Variants in STOM observed in about 807,000 individuals in gnomAD.
The protein encoded by STOM is erythrocyte band 7 integral membrane protein.
Under a neutral mutation model 30.6 loss-of-function variants are expected in STOM, and 25 were observed. The observed-to-expected ratio is 0.82, with a 90% CI of 0.60 to 1.14. The LOEUF (loss-of-function observed/expected upper bound fraction) is 1.14. Among genes scored for constraint, STOM ranks in the 50% most tolerant of loss-of-function variants. The pLI, the probability that STOM is intolerant of heterozygous loss-of-function variation, is 0.00. For missense variants in STOM, 292 were observed against 365.2 expected (o/e 0.80, Z 1.63); for synonymous variants, 118 against 130.8 (o/e 0.90, Z 0.67).
In STOM at chr9:121,356,044, G is replaced by C; in HGVS notation, c.165+9C>G. ...ACCCCTTCCCAGAAGTGAATGAAAT[G>C]TTCTTTACCTTTATGCACATCCATA... On this transcript the variant is annotated intron_variant, in intron 2 of 6. Transcript: ENST00000286713. The C allele has an allele frequency of 6.2e-7, 1 of 1,611,950 alleles. No homozygotes were observed. Among genetic ancestry groups the C allele is most frequent in the Non-Finnish European group, 8.5e-7 (1 of 1,178,280 alleles).
chr9:121,369,056 C>A (rs2064534883), intron 1 of STOM, among the ~76,000 whole-genome samples: 1 of 152,034 alleles, frequency 6.6e-6, no homozygotes, highest in Non-Finnish European at 1.5e-5. Flanking sequence ...TAACCTGCAA[C>A]GTTATTAGTA....
At chr9:121,341,506 A>G in intron 6 of STOM, 98 bp from the exon 7 acceptor site, 1 of 1,513,540 alleles carries the variant, frequency 6.6e-7, no homozygotes, top group Non-Finnish European at 9.0e-7. Flanking sequence ...GTGGTCCACA[A>G]AACTTTCTAG....
chr9:121,356,949 C>T (rs1403311682), intron 1 of STOM, among the ~76,000 whole-genome samples: 1 of 151,984 alleles, frequency 6.6e-6, no homozygotes, highest in Non-Finnish European at 1.5e-5. Flanking sequence ...TACCACTGCA[C>T]TCCAGCCTGG....
chr9:121,354,450 T>C, intron 3 of STOM, 151 bp downstream of exon 3: 1 of 563,076 alleles, frequency 1.8e-6, no homozygotes, highest in Non-Finnish European at 3.1e-6. Context: ...AGGTCAGGAG[T>C]TCAAGGCTGC....
intron 1 of STOM, chr9:121,366,098 T>C (rs538848972): frequency 1.2e-4 from 118 of 984,560 alleles, no homozygotes; most frequent in South Asian, 1.9e-4. Flanking sequence ...CTCATTTCAC[T>C]ATATTCTACT....
Position 121,341,293 on chromosome 9 carries a change from A to G in STOM, c.776T>C (p.Ile259Thr), listed in dbSNP as rs747752004. Residue 259 changes from isoleucine to threonine, a missense_variant, in exon 7 of 7, where the codon ATT becomes ACT. Physicochemically the swap from Ile to Thr is moderately conservative, Grantham distance 89. Transcript: ENST00000286713. Reference protein sequence around the residue: ...QLRYLQTLTTIAAEKNSTIVF... With the variant: ...QLRYLQTLTTTAAEKNSTIVF... ...AATTGTTGAGTTTTTCTCAGCAGCAATGGTGGTCAGTGTCTGCAGGTATCG... is the reference window on the plus strand; with the variant it reads ...AATTGTTGAGTTTTTCTCAGCAGCAGTGGTGGTCAGTGTCTGCAGGTATCG... The G allele has an allele frequency of 4.3e-6, 7 of 1,614,030 alleles. No homozygotes were observed. Among genetic ancestry groups the G allele is most frequent in the African/African-American group, 1.3e-5 (1 of 74,912 alleles).
Position 121,340,125 on chromosome 9 carries a change from A to G in STOM, c.*1077T>C, listed in dbSNP as rs2064233109. 1 of 983,764 alleles carries G rather than the reference A, an allele frequency of 1.0e-6. No individual in the cohort carries two copies. Among genetic ancestry groups the G allele is most frequent in the Admixed American group, 6.1e-5 (1 of 16,264 alleles). The allele number at this position is 983,764 out of a possible 1,614,324, so 60.9% of individuals were successfully genotyped here. A position where few individuals can be genotyped will look rare whatever the true frequency, so the allele number is the denominator to read the frequency against. ...AAATTAAAACTATTTAAAACCTGAT[A>G]TATGAAAATAGGCAACAGTGAGAAA... On this transcript the variant is annotated 3_prime_UTR_variant, in exon 7 of 7. Coordinates refer to ENST00000286713, the MANE Select transcript of STOM (RefSeq NM_004099.6).
chr9:121,366,355 G>T (rs890550537), intron 1 of STOM: 1 of 681,064 alleles, frequency 1.5e-6, no homozygotes, highest in African/African-American at 2.0e-5. Context: ...ATCAACAAGT[G>T]TGTGTCAATA....
intron 2 of STOM, 110 bp downstream of exon 2, chr9:121,355,943 A>AAG (rs771631948): frequency 3.2e-5 from 21 of 661,204 alleles, no homozygotes; most frequent in Non-Finnish European, 4.1e-5. Flanking sequence ...TAAGAATTAT[A>AAG]AGAGAGAGAG....
intron 1 of STOM, among the ~76,000 whole-genome samples, chr9:121,368,087 C>G (rs928464388): frequency 2.0e-5 from 3 of 151,288 alleles, no homozygotes; most frequent in African/African-American, 7.3e-5. Context: ...TCAATAACCT[C>G]TATTTAATAA....
At position 121,340,785 on chromosome 9, in the gene STOM, G is replaced by A. The variant is rs1261545383; in HGVS notation, c.*417C>T. 9 of 1,008,192 alleles carry A rather than the reference G, an allele frequency of 8.9e-6. No individual in the cohort carries two copies. The highest frequency in any genetic ancestry group is 3.6e-6 in the Non-Finnish European group (3 of 842,650). 62.5% of individuals were successfully genotyped at this position (1,008,192 alleles called of 1,614,324 possible). A position where few individuals can be genotyped will look rare whatever the true frequency, so the allele number is the denominator to read the frequency against. On this transcript the variant is annotated 3_prime_UTR_variant, in exon 7 of 7. Transcript: ENST00000286713. ...AAAAAAAAGACTCTCTGGAGGTAAG[G>A]CACATATGACCTGGAGAAGCTGGTT...
chr9:121,358,398 T>C (rs2064418070), intron 1 of STOM, among the ~76,000 whole-genome samples: 1 of 151,830 alleles, frequency 6.6e-6, no homozygotes, highest in South Asian at 2.1e-4. Flanking sequence ...TGGGGGTTCG[T>C]GGCTGCAGTG....
intron 4 of STOM, among the ~76,000 whole-genome samples, chr9:121,351,532 T>A (rs1371738921): frequency 1.3e-5 from 2 of 152,258 alleles, no homozygotes; most frequent in Non-Finnish European, 2.9e-5. Flanking sequence ...AGCATTCTTC[T>A]GTCCTTCCCC....
At position 121,339,604 on chromosome 9, in the gene STOM, G is replaced by T; in HGVS notation, c.*1598C>A. The T allele has an allele frequency of 8.1e-7, 1 of 1,231,596 alleles. No homozygotes were observed. Among genetic ancestry groups the T allele is most frequent in the South Asian group, 4.1e-5 (1 of 24,266 alleles). 76.3% of individuals were successfully genotyped at this position (1,231,596 alleles called of 1,614,324 possible). A position where few individuals can be genotyped will look rare whatever the true frequency, so the allele number is the denominator to read the frequency against. On this transcript the variant is annotated 3_prime_UTR_variant, in exon 7 of 7. Coordinates refer to ENST00000286713, the MANE Select transcript of STOM (RefSeq NM_004099.6). The stretch of plus-strand genomic sequence containing the variant: ...CTGGGAAAGAAAGCTGTTATGCTTA[G>T]ACTTCTCTAGGTGAACTCAGAGTCT...
intron 1 of STOM, among the ~76,000 whole-genome samples, chr9:121,367,875 T>C (rs1399263034): frequency 6.6e-6 from 1 of 152,222 alleles, no homozygotes; most frequent in Non-Finnish European, 1.5e-5. Flanking sequence ...ATCTCTGGGA[T>C]AGGGAAAATG....
At position 121,354,541 on chromosome 9, in the gene STOM, A is replaced by C. The variant is rs550532927; in HGVS notation, c.238+60T>G. ...TCTTTAAAAAAACAACTACCTAAAA[A>C]TAAAAAAAATAAAAAGAACTTTAGT... On this transcript the variant is annotated intron_variant, in intron 3 of 6. Coordinates refer to ENST00000286713, the MANE Select transcript of STOM (RefSeq NM_004099.6). 4 of 1,402,994 alleles carry C rather than the reference A, an allele frequency of 2.9e-6. No individual in the cohort carries two copies. The East Asian group carries it at 9.4e-5, about 33-fold the overall frequency. 86.9% of individuals were successfully genotyped at this position (1,402,994 alleles called of 1,614,324 possible). A position where few individuals can be genotyped will look rare whatever the true frequency, so the allele number is the denominator to read the frequency against.
rs1589284790 is a variant in STOM, at chr9:121,341,360, C to T, written c.709G>A (p.Ala237Thr). The change falls in exon 7 of 7, where the codon GCC becomes ACC. Residue 237 changes from alanine to threonine, a missense_variant. Ala to Thr is a moderately conservative substitution (Grantham distance 58). Transcript: ENST00000286713. The stretch of plus-strand genomic sequence containing the variant: ...GGAGATTCAGTGATGACCATGGAGG[C>T]TTCTTTCAGAGCCCTGGATGCATTC... The part of the protein sequence containing the change: ...EMNASRALKE[A>T]SMVITESPAA... 2.5e-6 allele frequency: 4 copies of T among 1,613,940 alleles called. No homozygotes were observed. The highest frequency in any genetic ancestry group is 3.4e-6 in the Non-Finnish European group (4 of 1,180,024).
chr9:121,350,722 TA>T (rs1260785878), intron 4 of STOM, among the ~76,000 whole-genome samples: 1 of 152,198 alleles, frequency 6.6e-6, no homozygotes, highest in African/African-American at 2.4e-5. Flanking sequence ...GAAGATCAAA[TA>T]AGAACATACT....
At position 121,340,509 on chromosome 9, in the gene STOM, G is replaced by A; in HGVS notation, c.*693C>T. The stretch of plus-strand genomic sequence containing the variant: ...CCCAGCACTTTGGGAGGCAGAGGTG[G>A]GTGGATCACCTGAGGTTAGGAGTTC... On this transcript the variant is annotated 3_prime_UTR_variant, in exon 7 of 7. Transcript: ENST00000286713. The A allele has an allele frequency of 1.1e-6, 1 of 942,998 alleles. No homozygotes were observed. Among genetic ancestry groups the A allele is most frequent in the Non-Finnish European group, 1.3e-6 (1 of 791,488 alleles). The allele number at this position is 942,998 out of a possible 1,614,324, so 58.4% of individuals were successfully genotyped here.
Sources: gnomAD v4.1 joint callset for allele counts (sites outside exome capture counted in the v4.1 genomes callset) on GRCh38, gnomAD v4.1.1 for gene constraint, MANE v1.5 for transcripts, NCBI Gene and HGNC (gene_info 2026-07-23, HGNC 2026-07-21) for gene names.